The following BCAN variants were observed in gnomAD, a reference collection of about 807,000 sequenced individuals.
The protein encoded by BCAN is brevican core protein.
In BCAN, 51 loss-of-function variants were observed where a neutral mutation model predicts 92.4. That is an observed-to-expected ratio of 0.55 (90% confidence interval 0.44 to 0.70). BCAN has a LOEUF of 0.70. Ranked by LOEUF, BCAN falls within the 30% of genes least tolerant of loss-of-function variation. The pLI, the probability that BCAN is intolerant of heterozygous loss-of-function variation, is 0.00. For synonymous variants in BCAN, 501 were observed against 505.2 expected, an observed-to-expected ratio of 0.99 and a Z score of 0.11; for missense variants, 1,140 against 1,212.1, an observed-to-expected ratio of 0.94 and a Z score of 0.88.
At chr1:156,648,460 C>A in intron 5 of BCAN, 108 bp from the exon 6 acceptor site, 1 of 1,225,208 alleles carries the variant, frequency 8.2e-7, no homozygotes, top group Middle Eastern at 2.9e-4. Flanking sequence ...AGTTGACTCC[C>A]TGCCACAGAT....
At chr1:156,657,572 C>A (rs1679377007) in intron 10 of BCAN, 103 bp from the exon 11 acceptor site, 2 of 884,186 alleles carry the variant, frequency 2.3e-6, no homozygotes, top group Non-Finnish European at 3.5e-6. Context: ...GGTGCTGGAT[C>A]GCGGGGAAGG....
chr1:156,657,275 G>A, intron 10 of BCAN, 179 bp downstream of exon 10: 1 of 937,538 alleles, frequency 1.1e-6, no homozygotes, highest in Non-Finnish European at 1.5e-6. Flanking sequence ...CTACGCTTAG[G>A]CAGTGGCCTT....
chr1:156,645,325 C>A (rs537019794), intron 1 of BCAN, among the ~76,000 whole-genome samples: 4 of 151,994 alleles, frequency 2.6e-5, no homozygotes, highest in African/African-American at 9.7e-5. Context: ...CCGTGCCAGG[C>A]AGAAAGGAGA....
Position 156,658,225 on chromosome 1 carries a change from C to T in BCAN, c.2391C>T (p.Asp797=), listed in dbSNP as rs187176896. 5.4e-5 allele frequency: 87 copies of T among 1,614,054 alleles called. No individual in the cohort carries two copies. The Middle Eastern group carries it at 2.3e-3, about 43-fold the overall frequency. Residue 797 remains aspartate, a synonymous_variant, in exon 12 of 14, where the codon GAC becomes GAT. Transcript: ENST00000329117. The surrounding 1 kb of genome is among the most constrained non-coding windows in gnomAD (Gnocchi z 4.4). The part of the protein sequence containing the change: ...MVWHDQGQWS[D]VPCNYHLSYT... ...GGCATGATCAGGGACAATGGAGTGACGTGCCCTGCAACTACCACCTGTCCT... is the reference window on the plus strand; with the variant it reads ...GGCATGATCAGGGACAATGGAGTGATGTGCCCTGCAACTACCACCTGTCCT...
intron 5 of BCAN, 130 bp from the exon 6 acceptor site, chr1:156,648,438 A>G (rs868469711): frequency 3.9e-6 from 4 of 1,022,760 alleles, no homozygotes; most frequent in African/African-American, 3.2e-5. Flanking sequence ...CTATGATCCT[A>G]TGAAGTAGAG....
chr1:156,647,102 C>T lies in BCAN; in HGVS notation c.393C>T (p.Asp131=). 6.2e-7 allele frequency: 1 copy of T among 1,605,560 alleles called. No homozygotes were observed. Among genetic ancestry groups the T allele is most frequent in the South Asian group, 1.1e-5 (1 of 90,658 alleles). The change falls in exon 3 of 14, where the codon GAC becomes GAT. Residue 131 remains aspartate, a synonymous_variant. Coordinates refer to ENST00000329117, the MANE Select transcript of BCAN (RefSeq NM_021948.5). The surrounding 1 kb of genome is among the most constrained non-coding windows in gnomAD (Gnocchi z 4.8). Reference sequence around the variant, plus strand: ...CGCTGAGCGAGCTGCGCCCCAACGACTCAGGTATCTATCGCTGTGAGGTCC... The same window carrying T: ...CGCTGAGCGAGCTGCGCCCCAACGATTCAGGTATCTATCGCTGTGAGGTCC... ...SLALSELRPN[D]SGIYRCEVQH... is the part of the protein sequence containing the mutation.
Position 156,656,950 on chromosome 1 carries a change from G to A in BCAN, c.2063G>A (p.Cys688Tyr). The change falls in exon 10 of 14, where the codon TGC (cysteine) becomes TAC (tyrosine). Residue 688 changes from cysteine to tyrosine, a missense_variant. Physicochemically the swap from Cys to Tyr is radical, Grantham distance 194. Around this residue, in one of 3 missense-constraint regions of BCAN, gnomAD observed 825 missense variants for 871.8 expected, o/e 0.95. Transcript: ENST00000329117. Reference protein sequence around the residue: ...GDLCDVGLRFCNPGWDAFQGA... With the variant: ...GDLCDVGLRFYNPGWDAFQGA... The stretch of plus-strand genomic sequence containing the variant: ...TTATGTGCCGCAGGCCTCCGCTTCT[G>A]CAACCCCGGCTGGGACGCCTTCCAG... 1 of 1,613,774 alleles carries A rather than the reference G, an allele frequency of 6.2e-7. No individual in the cohort carries two copies. Among genetic ancestry groups the A allele is most frequent in the Non-Finnish European group, 8.5e-7 (1 of 1,179,722 alleles).
intron 8 of BCAN, among the ~76,000 whole-genome samples, chr1:156,654,083 T>G (rs1679260997): frequency 6.6e-6 from 1 of 152,182 alleles, no homozygotes; most frequent in African/African-American, 2.4e-5. Context: ...CCAGAAGGAA[T>G]GGCTTCACCC....
intron 6 of BCAN, chr1:156,649,953 C>G (rs1209796956): frequency 1.9e-6 from 1 of 518,718 alleles, no homozygotes; most frequent in East Asian, 5.4e-5. Context: ...CATGGGAACC[C>G]CCAGCAAAGG....
At position 156,657,077 on chromosome 1, in the gene BCAN, G is replaced by A; in HGVS notation, c.2190G>A (p.Glu730=). 1 of 1,613,576 alleles carries A rather than the reference G, an allele frequency of 6.2e-7. No individual in the cohort carries two copies. The highest frequency in any genetic ancestry group is 8.5e-7 in the Non-Finnish European group (1 of 1,179,528). The change falls in exon 10 of 14, where the codon GAG becomes GAA. Residue 730 remains glutamate (E), a synonymous_variant. Coordinates refer to ENST00000329117, the MANE Select transcript of BCAN (RefSeq NM_021948.5). The stretch of plus-strand genomic sequence containing the variant: ...ATCTGGCCAGCATCAGCACACCCGA[G>A]GAACAGGACTTCATCAACAGTGGGC... ...GAHLASISTP[E]EQDFINNRYR...
Position 156,646,816 on chromosome 1 carries a change from G to T in BCAN, c.107G>T (p.Arg36Leu). The change falls in exon 3 of 14, where the codon CGC becomes CTC. Residue 36 changes from arginine to leucine, a missense_variant. Transcript: ENST00000329117. ...EGDSSEDRAF[R>L]VRIAGDAPLQ... Reference sequence around the variant, plus strand: ...CCGTTCACAGAGGACCGCGCTTTTCGCGTGCGCATCGCGGGCGACGCGCCA... The same window carrying T: ...CCGTTCACAGAGGACCGCGCTTTTCTCGTGCGCATCGCGGGCGACGCGCCA... The T allele has an allele frequency of 6.4e-7, 1 of 1,566,866 alleles. No individual in the cohort carries two copies. Among genetic ancestry groups the T allele is most frequent in the African/African-American group, 1.4e-5 (1 of 73,194 alleles).
Position 156,647,318 on chromosome 1 carries a change from G to A in BCAN, c.466+143G>A. The A allele has an allele frequency of 8.5e-7, 1 of 1,173,908 alleles. No individual in the cohort carries two copies. Among genetic ancestry groups the A allele is most frequent in the South Asian group, 1.7e-5 (1 of 60,090 alleles). The allele number at this position is 1,173,908 out of a possible 1,614,324, so 72.7% of individuals were successfully genotyped here. On this transcript the variant is annotated intron_variant, in intron 3 of 13. Transcript: ENST00000329117. The surrounding 1 kb of genome is among the most constrained non-coding windows in gnomAD (Gnocchi z 4.8). ...TTGGAAAAAGAGTGAGGAGACACGGGCCTTTGTTGTCTCCTTTCTCTCTTC... is the reference window on the plus strand; with the variant it reads ...TTGGAAAAAGAGTGAGGAGACACGGACCTTTGTTGTCTCCTTTCTCTCTTC...
chr1:156,653,198 A>T (rs1679234322), intron 8 of BCAN: 3 of 1,350,724 alleles, frequency 2.2e-6, no homozygotes, highest in Non-Finnish European at 2.8e-6. Context: ...GAGCATCCTC[A>T]GGCCTCTCCA....
At chr1:156,650,702 G>A (rs1429573723) in intron 6 of BCAN, among the ~76,000 whole-genome samples, 1 of 152,136 alleles carries the variant, frequency 6.6e-6, no homozygotes, top group Non-Finnish European at 1.5e-5. Flanking sequence ...TGTAATCCCA[G>A]CACTTTGGGA....
Position 156,658,683 on chromosome 1 carries a change from G to A in BCAN, c.2578G>A (p.Glu860Lys), listed in dbSNP as rs761090540. The change falls in exon 13 of 14, where the codon GAG becomes AAG. Residue 860 changes from glutamate to lysine, a missense_variant. Glu to Lys is a moderately conservative substitution (Grantham distance 56, BLOSUM62 1). Transcript: ENST00000329117. The surrounding 1 kb of genome is among the most constrained non-coding windows in gnomAD (Gnocchi z 4.4). Reference sequence around the variant, plus strand: ...CAATCTGCCGCTGATCCGATGCCAAGAGAACGGTCGTTGGGAGGCCCCCCA... The same window carrying A: ...CAATCTGCCGCTGATCCGATGCCAAAAGAACGGTCGTTGGGAGGCCCCCCA... ...QRNLPLIRCQ[E>K]NGRWEAPQIS... is the part of the protein sequence containing the mutation. 2 of 1,614,178 alleles carry A rather than the reference G, an allele frequency of 1.2e-6. No homozygotes were observed. Among genetic ancestry groups the A allele is most frequent in the Non-Finnish European group, 1.7e-6 (2 of 1,180,056 alleles).
In BCAN at chr1:156,647,665, G is replaced by A. The variant is rs748701767; in HGVS notation, c.624G>A (p.Leu208=). Residue 208 remains leucine, a synonymous_variant, in exon 4 of 14, where the codon CTG becomes CTA. Transcript: ENST00000329117. This position sits in a 1 kb window ranked among gnomAD's most constrained non-coding sequence, Gnocchi z 4.8. The part of the protein sequence containing the change: ...GGYEQCDAGW[L]SDQTVRYPIQ... ...ATGAGCAATGTGATGCTGGCTGGCT[G>A]TCGGATCAGACCGTGAGGTGGGCAG... The A allele has an allele frequency of 1.3e-6, 2 of 1,597,244 alleles. No homozygotes were observed. The highest frequency in any genetic ancestry group is 8.5e-7 in the Non-Finnish European group (1 of 1,170,926).
intron 5 of BCAN, 152 bp from the exon 6 acceptor site, chr1:156,648,416 G>A: frequency 1.1e-6 from 1 of 921,622 alleles, no homozygotes; most frequent in South Asian, 1.7e-5. Context: ...CCATCTTGAG[G>A]TTCTATTCAG....
chr1:156,656,192 TG>T, intron 8 of BCAN, 89 bp from the exon 9 acceptor site: 1 of 844,888 alleles, frequency 1.2e-6, no homozygotes, highest in Non-Finnish European at 1.7e-6. Flanking sequence ...AGACCAGGGC[TG>T]GGGGACCCTC....
In BCAN at chr1:156,658,515, C is replaced by G. The variant is rs1252892837; in HGVS notation, c.2438-28C>G. 6.3e-7 allele frequency: 1 copy of G among 1,599,164 alleles called. No homozygotes were observed. The highest frequency in any genetic ancestry group is 8.6e-7 in the Non-Finnish European group (1 of 1,169,436). On this transcript the variant is annotated intron_variant, in intron 12 of 13. Transcript: ENST00000329117. The surrounding 1 kb of genome is among the most constrained non-coding windows in gnomAD (Gnocchi z 4.4). ...GGGAACTGTCACCCACAGAGCCAGG[C>G]TCAGTTCCTAACTGTCTTCCTTTGC...
Sources: gnomAD v4.1 joint callset for allele counts (sites outside exome capture counted in the v4.1 genomes callset) on GRCh38, gnomAD v4.1.1 for gene constraint, gnomAD v4.1.1 regional missense constraint, Gnocchi (gnomAD v3.1) non-coding constraint, MANE v1.5 for transcripts, NCBI Gene and HGNC (gene_info 2026-07-23, HGNC 2026-07-21) for gene names.